ZC4H2: variants seen among roughly 807,000 people sequenced by gnomAD.
ZC4H2 encodes zinc finger C4H2-type containing, also known as zinc finger C4H2 domain-containing protein.
For missense variants in ZC4H2, 137 were observed against 173.9 expected (o/e 0.79, Z 1.19); for synonymous variants, 84 against 66.3 (o/e 1.27, Z -1.30).
chrX:65,031,573 T>C (rs1932934411), intron 1 of ZC4H2, among the ~76,000 whole-genome samples: 1 of 111,631 alleles, frequency 9.0e-6, no homozygotes, highest in Non-Finnish European at 1.9e-5. Context: ...AAGAGAAATA[T>C]ATTATTTTCT....
intron 1 of ZC4H2, among the ~76,000 whole-genome samples, chrX:65,021,345 T>G (rs139885008): frequency 0.11 from 12,507 of 110,665 alleles, 1,984 homozygotes; most frequent in African/African-American, 0.39. Context: ...TACAATCAAA[T>G]TAGAACTCAG....
At chrX:64,990,708 C>T (rs1932293043) in intron 1 of ZC4H2, among the ~76,000 whole-genome samples, 1 of 111,767 alleles carries the variant, frequency 8.9e-6, no homozygotes, top group South Asian at 3.8e-4. Context: ...TGTTCCTTCT[C>T]TTTCTGTATC....
At chrX:64,992,621 C>T (rs1932330644) in intron 1 of ZC4H2, among the ~76,000 whole-genome samples, 1 of 111,498 alleles carries the variant, frequency 9.0e-6, no homozygotes, top group Non-Finnish European at 1.9e-5. Flanking sequence ...CTAATTCGGA[C>T]TTGCCTGCTC....
At chrX:65,011,430 G>C (rs144049369) in intron 1 of ZC4H2, among the ~76,000 whole-genome samples, 100 of 111,432 alleles carry the variant, frequency 9.0e-4, no homozygotes, top group African/African-American at 3.1e-3. Context: ...GATTTAGCGA[G>C]GCCCTGGGTG....
intron 1 of ZC4H2, among the ~76,000 whole-genome samples, chrX:65,014,463 A>G (rs1414190671): frequency 8.9e-6 from 1 of 111,951 alleles, no homozygotes; most frequent in Admixed American, 9.5e-5. Flanking sequence ...TTTAGAATGC[A>G]AACTCTCAGC....
rs1301783259 is a variant in ZC4H2, at chrX:64,976,414, C to A, written c.-37G>T. On this transcript the variant is annotated 5_prime_UTR_variant, in exon 1 of 5. Transcript: ENST00000374839. ...TCAATTTCACGTCCCGAGAGATGTACAAATACACCAGCCAAGGGATACAAT... is the reference window on the plus strand; with the variant it reads ...TCAATTTCACGTCCCGAGAGATGTAAAAATACACCAGCCAAGGGATACAAT... 8 of 1,182,395 alleles carry A rather than the reference C, an allele frequency of 6.8e-6. No homozygotes were observed. Among genetic ancestry groups the A allele is most frequent in the African/African-American group, 1.7e-5 (1 of 57,222 alleles).
intron 1 of ZC4H2, among the ~76,000 whole-genome samples, chrX:64,935,734 C>T (rs1929975606): frequency 8.9e-6 from 1 of 111,750 alleles, no homozygotes; most frequent in African/African-American, 3.3e-5. Flanking sequence ...GCAGAGGGGC[C>T]CGACTGTTAG....
chrX:64,997,707 G>A (rs753572695), intron 1 of ZC4H2, among the ~76,000 whole-genome samples: 262 of 111,602 alleles, frequency 2.3e-3, no homozygotes, highest in African/African-American at 8.1e-3. Flanking sequence ...ACCTAGGTGC[G>A]GGTGTTCTTC....
At chrX:65,010,387 AG>A (rs1289396000) in intron 1 of ZC4H2, among the ~76,000 whole-genome samples, 1 of 112,792 alleles carries the variant, frequency 8.9e-6, no homozygotes, top group Non-Finnish European at 1.9e-5. Flanking sequence ...CAGAAAACTT[AG>A]CCTAGTAAAG....
At chrX:64,949,757 G>T (rs756261016) in intron 1 of ZC4H2, among the ~76,000 whole-genome samples, 60 of 110,816 alleles carry the variant, frequency 5.4e-4, no homozygotes, top group Non-Finnish European at 1.1e-3. Flanking sequence ...TATTAGTCTT[G>T]CTATCGGTCC....
At chrX:64,990,112 A>C (rs1932280664) in intron 1 of ZC4H2, among the ~76,000 whole-genome samples, 1 of 112,429 alleles carries the variant, frequency 8.9e-6, no homozygotes, top group South Asian at 3.7e-4. Context: ...ATAATAGCCC[A>C]AAACTGAAAA....
chrX:64,949,941 G>A (rs1347465961), intron 1 of ZC4H2, among the ~76,000 whole-genome samples: 1 of 111,455 alleles, frequency 9.0e-6, no homozygotes, highest in Non-Finnish European at 1.9e-5. Context: ...TGTGATGTTA[G>A]GGTGTCAATT....
At chrX:64,918,335 GC>G (rs1232884247) in intron 4 of ZC4H2, 1 of 116,568 alleles carries the variant, frequency 8.6e-6, no homozygotes, top group Non-Finnish European at 1.8e-5. Flanking sequence ...ACAATAGCTT[GC>G]ATGCATGTTG....
At chrX:65,013,553 C>T (rs1025703607) in intron 1 of ZC4H2, among the ~76,000 whole-genome samples, 4 of 111,441 alleles carry the variant, frequency 3.6e-5, no homozygotes, top group African/African-American at 1.3e-4. Flanking sequence ...GTTGAAAAAG[C>T]TCTTGTGACA....
chrX:64,969,389 A>C (rs1931698017), intron 1 of ZC4H2, among the ~76,000 whole-genome samples: 1 of 111,958 alleles, frequency 8.9e-6, no homozygotes, highest in Non-Finnish European at 1.9e-5. Context: ...CCCAATGCAC[A>C]CTCAAAAAGC....
intron 1 of ZC4H2, among the ~76,000 whole-genome samples, chrX:64,971,914 C>T (rs78810211): frequency 1.2e-4 from 13 of 110,985 alleles, no homozygotes; most frequent in East Asian, 5.7e-4. Context: ...TGTGAGTGTA[C>T]GCAATACACA....
chrX:64,969,489 G>A (rs1931701731), intron 1 of ZC4H2, among the ~76,000 whole-genome samples: 1 of 111,874 alleles, frequency 8.9e-6, no homozygotes, highest in Non-Finnish European at 1.9e-5. Flanking sequence ...AAAAGTGCTG[G>A]TATTTGTTAA....
intron 1 of ZC4H2, among the ~76,000 whole-genome samples, chrX:64,956,703 A>G (rs1234837309): frequency 1.8e-5 from 2 of 112,025 alleles, no homozygotes; most frequent in Non-Finnish European, 3.8e-5. Flanking sequence ...AACCAAACAA[A>G]CATGGAGTCA....
chrX:64,930,012 G>C (rs1929669820), intron 1 of ZC4H2, among the ~76,000 whole-genome samples: 1 of 111,537 alleles, frequency 9.0e-6, no homozygotes. Context: ...CATGGAATAT[G>C]TTGCCATTTG....
Sources: allele counts gnomAD v4.1 joint callset (sites outside exome capture counted in the v4.1 genomes callset), GRCh38; gene constraint gnomAD v4.1.1; transcripts MANE v1.5; gene names NCBI Gene and HGNC (gene_info 2026-07-23, HGNC 2026-07-21).